The following RBFOX3 variants were observed in gnomAD, a reference collection of about 807,000 sequenced individuals.
RBFOX3 encodes RNA binding protein fox-1 homolog 3.
A neutral mutation model predicts 48.7 loss-of-function variants in RBFOX3; 17 were observed. The ratio of observed to expected loss-of-function variants is 0.35; its 90% CI spans 0.24 to 0.52. The LOEUF is 0.52. Among genes scored for constraint, RBFOX3 ranks in the 20% least tolerant of loss-of-function variants. The pLI, the probability that RBFOX3 is intolerant of heterozygous loss-of-function variation, is 0.94. For synonymous variants in RBFOX3, 212 were observed against 209.5 expected, an observed-to-expected ratio of 1.01 and a Z score of -0.10; for missense variants, 382 against 497.5, an observed-to-expected ratio of 0.77 and a Z score of 2.21.
rs984926157 is a variant in RBFOX3, at chr17:79,311,512, T to C, written c.-174-3688A>G. 2.0e-5 allele frequency among the ~76,000 whole-genome samples: 3 copies of C among 151,646 alleles called. No individual in the cohort carries two copies. The highest frequency in any genetic ancestry group is 7.3e-5 in the African/African-American group (3 of 41,256). ...CAGCCTGTCCACCCATCCTACAGAG[T>C]TCAGATTCGGCAGCCTTCGCAATAA... On this transcript the variant is annotated intron_variant, in intron 2 of 14. Transcript: ENST00000693108. This position sits in a 1 kb window ranked among gnomAD's most constrained non-coding sequence, Gnocchi z 4.2.
intron 1 of RBFOX3, among the ~76,000 whole-genome samples, chr17:79,588,229 T>C (rs2093313721): frequency 6.6e-6 from 1 of 152,136 alleles, no homozygotes; most frequent in South Asian, 2.1e-4. Context: ...ACAGTAATGT[T>C]CATAAACAAA....
the RBFOX3 span, among the ~76,000 whole-genome samples, chr17:79,637,188 A>G: frequency 2.6e-5 from 4 of 152,266 alleles, no homozygotes; most frequent in African/African-American, 9.6e-5. Context: ...AGTGATAGAC[A>G]GCAATATAAC....
chr17:79,639,970 GC>G, the RBFOX3 span, among the ~76,000 whole-genome samples: 1 of 152,272 alleles, frequency 6.6e-6, no homozygotes, highest in African/African-American at 2.4e-5. Context: ...GGAAGTTCTA[GC>G]CAGTGCTATT....
At chr17:79,219,390 A>ATGTGCG (rs2059442769) in intron 4 of RBFOX3, among the ~76,000 whole-genome samples, 1 of 152,216 alleles carries the variant, frequency 6.6e-6, no homozygotes, top group South Asian at 2.1e-4. Context: ...AAGTGTGTGC[A>ATGTGCG]TGTGCGTGCG....
chr17:79,094,961 T>TG (rs1255023009), intron 13 of RBFOX3, among the ~76,000 whole-genome samples: 1 of 152,066 alleles, frequency 6.6e-6, no homozygotes, highest in Non-Finnish European at 1.5e-5. Context: ...ATGTGACACT[T>TG]GTGTCCCTCA....
At position 79,299,341 on chromosome 17, in the gene RBFOX3, T is replaced by G. The variant is rs2074942551; in HGVS notation, c.-74+8383A>C. 6.6e-6 allele frequency among the ~76,000 whole-genome samples: 1 copy of G among 152,144 alleles called. No individual in the cohort carries two copies. Among genetic ancestry groups the G allele is most frequent in the Non-Finnish European group, 1.5e-5 (1 of 68,026 alleles). On this transcript the variant is annotated intron_variant, in intron 3 of 14. Transcript: ENST00000693108. This position sits in a 1 kb window ranked among gnomAD's most constrained non-coding sequence, Gnocchi z 4.5. Reference sequence around the variant, plus strand: ...CCACTGGTTCCTTAAAATGGGACTGTACAGGCAGTCCTCTGGATCTTAGAG... The same window carrying G: ...CCACTGGTTCCTTAAAATGGGACTGGACAGGCAGTCCTCTGGATCTTAGAG...
At chr17:79,305,223 G>C (rs538468252) in intron 3 of RBFOX3, among the ~76,000 whole-genome samples, 10 of 152,282 alleles carry the variant, frequency 6.6e-5, no homozygotes, top group Admixed American at 1.3e-4. Flanking sequence ...GCCTGTGTGG[G>C]GGGGAAAGGG....
chr17:79,455,263 C>T (rs544437262), intron 2 of RBFOX3, among the ~76,000 whole-genome samples: 3 of 152,254 alleles, frequency 2.0e-5, no homozygotes, highest in South Asian at 2.1e-4. Context: ...GCTACCGTGA[C>T]GGGGGAGCGG....
intron 5 of RBFOX3, among the ~76,000 whole-genome samples, chr17:79,108,710 C>T (rs955234803): frequency 2.0e-5 from 3 of 152,242 alleles, no homozygotes; most frequent in African/African-American, 7.2e-5. Flanking sequence ...CCTGCATTTC[C>T]GCATGTAGCC....
intron 1 of RBFOX3, among the ~76,000 whole-genome samples, chr17:79,575,017 T>C (rs1463396537): frequency 6.6e-6 from 1 of 152,210 alleles, no homozygotes; most frequent in Non-Finnish European, 1.5e-5. Context: ...GTTCCCAACT[T>C]TGAGTGCATA....
chr17:79,506,296 G>C (rs2083109067), intron 1 of RBFOX3, among the ~76,000 whole-genome samples: 1 of 152,208 alleles, frequency 6.6e-6, no homozygotes, highest in African/African-American at 2.4e-5. Flanking sequence ...CCAGTTTCCT[G>C]CCTGGCTTGG....
At chr17:79,217,383 C>T (rs1222732845) in intron 4 of RBFOX3, among the ~76,000 whole-genome samples, 1 of 152,206 alleles carries the variant, frequency 6.6e-6, no homozygotes, top group African/African-American at 2.4e-5. Flanking sequence ...TCAGGGGATA[C>T]CCCTGGCCAG....
chr17:79,268,116 T>C (rs574456355), intron 3 of RBFOX3, among the ~76,000 whole-genome samples: 66 of 151,636 alleles, frequency 4.4e-4, no homozygotes, highest in African/African-American at 1.6e-3. Flanking sequence ...GCGGAGTAGA[T>C]GCGTTTCCTG....
chr17:79,633,246 T>C, the RBFOX3 span, among the ~76,000 whole-genome samples: 1 of 152,248 alleles, frequency 6.6e-6, no homozygotes. Flanking sequence ...CTGGGGCTCC[T>C]GCATGGGCAA....
intron 4 of RBFOX3, among the ~76,000 whole-genome samples, chr17:79,163,722 T>G (rs58715920): frequency 0.032 from 4,661 of 143,842 alleles, 234 homozygotes; most frequent in African/African-American, 0.11. Context: ...CCCTCCTGGC[T>G]GATGCGGAAG....
At chr17:79,282,891 C>T (rs1475459521) in intron 3 of RBFOX3, among the ~76,000 whole-genome samples, 1 of 152,258 alleles carries the variant, frequency 6.6e-6, no homozygotes, top group Non-Finnish European at 1.5e-5. Context: ...TCAGCTCTGC[C>T]TGGTACCTGC....
chr17:79,248,241 T>TG lies in RBFOX3; in HGVS notation c.-73-12437_-73-12436insC, dbSNP rs200395747. 2.9e-3 allele frequency among the ~76,000 whole-genome samples: 435 copies of TG among 147,980 alleles called. 2 individuals carry two copies. Among genetic ancestry groups the TG allele is most frequent in the East Asian group, 6.9e-3 (35 of 5,100 alleles). ...GGTGGCTTTGTTTTGTGTGTGTGTG[T>TG]TTTTTTTTTGGAGATGGAGTCTTGC... On this transcript the variant is annotated intron_variant, in intron 3 of 14. Coordinates refer to ENST00000693108, the MANE Select transcript of RBFOX3 (RefSeq NM_001350451.2).
chr17:79,256,710 G>T (rs1237793037), intron 3 of RBFOX3, among the ~76,000 whole-genome samples: 1 of 152,098 alleles, frequency 6.6e-6, no homozygotes, highest in Non-Finnish European at 1.5e-5. Context: ...CTGAGGTCAG[G>T]AGTTTGAGAC....
chr17:79,194,138 C>G (rs775749824), intron 4 of RBFOX3, among the ~76,000 whole-genome samples: 8 of 152,196 alleles, frequency 5.3e-5, no homozygotes, highest in Non-Finnish European at 1.2e-4. Flanking sequence ...CAATGTTGCT[C>G]TCCTTTCACA....
Sources: gnomAD v4.1 joint callset for allele counts (sites outside exome capture counted in the v4.1 genomes callset) on GRCh38, gnomAD v4.1.1 for gene constraint, Gnocchi (gnomAD v3.1) non-coding constraint, MANE v1.5 for transcripts, NCBI Gene and HGNC (gene_info 2026-07-23, HGNC 2026-07-21) for gene names.